Variants in MROH6 observed in about 807,000 individuals in gnomAD.
MROH6 encodes maestro heat like repeat family member 6.
MROH6 carries 62 observed loss-of-function variants against 67.7 expected under a neutral mutation model. The ratio of observed to expected loss-of-function variants is 0.92; its 90% CI spans 0.75 to 1.13. MROH6 has a LOEUF of 1.13. Ranked by LOEUF, MROH6 falls within the 50% of genes most tolerant of loss-of-function variation. The pLI, the probability that MROH6 is intolerant of heterozygous loss-of-function variation, is 0.00. For synonymous variants in MROH6, 566 were observed against 470.8 expected (o/e 1.20, Z -2.62); for missense variants, 1,175 against 1,029.1 (o/e 1.14, Z -1.94).
At chr8:143,567,964 G>T in intron 11 of MROH6, 76 bp from the exon 12 acceptor site, 1 of 1,456,140 alleles carries the variant, frequency 6.9e-7, no homozygotes, top group East Asian at 2.4e-5. Context: ...CTGAATCCAG[G>T]GGCCGGGGTT....
intron 3 of MROH6, among the ~76,000 whole-genome samples, chr8:143,571,261 G>A (rs1318970484): frequency 2.6e-5 from 4 of 152,186 alleles, no homozygotes; most frequent in African/African-American, 9.7e-5. Context: ...AACAAACCTG[G>A]CATTATTAAA....
Position 143,572,393 on chromosome 8 carries a change from G to C in MROH6, c.294+28C>G, listed in dbSNP as rs367742802. ...ATCCACAGGACCCCCAGGCCGGTTC[G>C]CACAACATCCCTTCCCTCCCCCGTC... On this transcript the variant is annotated intron_variant, in intron 1 of 13. Coordinates refer to ENST00000398882, the MANE Select transcript of MROH6 (RefSeq NM_001100878.2). The C allele has an allele frequency of 7.2e-6, 11 of 1,528,402 alleles. No homozygotes were observed. In the African/African-American group the frequency reaches 1.1e-4, roughly 15 times the overall value. 94.7% of individuals were successfully genotyped at this position (1,528,402 alleles called of 1,614,324 possible). A position where few individuals can be genotyped will look rare whatever the true frequency, so the allele number is the denominator to read the frequency against.
chr8:143,568,270 G>T lies in MROH6; in HGVS notation c.1645-9C>A. On this transcript the variant is annotated splice_polypyrimidine_tract_variant and intron_variant, in intron 10 of 13. Coordinates refer to ENST00000398882, the MANE Select transcript of MROH6 (RefSeq NM_001100878.2). Reference sequence around the variant, plus strand: ...AGGGTCCACTCTGAGCTCTGGGATAGGGGAAGTGAGCCGGGTCAGGGGTCC... The same window carrying T: ...AGGGTCCACTCTGAGCTCTGGGATATGGGAAGTGAGCCGGGTCAGGGGTCC... 6.2e-7 allele frequency: 1 copy of T among 1,603,334 alleles called. No individual in the cohort carries two copies. The highest frequency in any genetic ancestry group is 2.2e-5 in the East Asian group (1 of 44,468).
At position 143,569,956 on chromosome 8, in the gene MROH6, T is replaced by C. The variant is rs1563917999; in HGVS notation, c.1153A>G (p.Thr385Ala). 5 of 1,611,190 alleles carry C rather than the reference T, an allele frequency of 3.1e-6. No homozygotes were observed. The highest frequency in any genetic ancestry group is 4.2e-6 in the Non-Finnish European group (5 of 1,179,728). The change falls in exon 7 of 14, where the codon ACA (threonine) becomes GCA (alanine). Residue 385 changes from threonine (T) to alanine (A), a missense_variant. By Grantham distance (58) the Thr-to-Ala change is moderately conservative. Transcript: ENST00000398882. ...CATCCGGGAAGCAGGCTCACCCCTG[T>C]GAAGAAGGCCATAGCCGTGAGACGC... ...PQRLTAMAFF[T>A]GLLQSRPTAR...
Position 143,567,795 on chromosome 8 carries a change from C to A in MROH6, c.1858G>T (p.Val620Leu). 6.5e-7 allele frequency: 1 copy of A among 1,548,730 alleles called. No individual in the cohort carries two copies. The highest frequency in any genetic ancestry group is 8.7e-7 in the Non-Finnish European group (1 of 1,146,706). ...PQDPLRRAAA[V>L]LIGFLVHHAS... ...CCCCGGGCGGCCTCACCTATAAGCACGGCGGCTGCCCGGCGCAGGGGGTCC... is the reference window on the plus strand; with the variant it reads ...CCCCGGGCGGCCTCACCTATAAGCAAGGCGGCTGCCCGGCGCAGGGGGTCC... Residue 620 changes from valine to leucine, a missense_variant, in exon 12 of 14, where the codon GTG becomes TTG. Coordinates refer to ENST00000398882, the MANE Select transcript of MROH6 (RefSeq NM_001100878.2).
At chr8:143,568,779 G>C (rs1823796007) in intron 9 of MROH6, 60 bp from the exon 10 acceptor site, 1 of 1,275,930 alleles carries the variant, frequency 7.8e-7, no homozygotes, top group African/African-American at 1.5e-5. Flanking sequence ...AGGGTGGGAG[G>C]GGGCGGCCAG....
At position 143,567,772 on chromosome 8, in the gene MROH6, C is replaced by A. The variant is rs1415760666; in HGVS notation, c.1867+14G>T. The A allele has an allele frequency of 6.4e-7, 1 of 1,564,498 alleles. No individual in the cohort carries two copies. The highest frequency in any genetic ancestry group is 8.7e-7 in the Non-Finnish European group (1 of 1,153,812). The stretch of plus-strand genomic sequence containing the variant: ...CCCCGGTGCCAGGGGCAGTGTGACC[C>A]CGGGCGGCCTCACCTATAAGCACGG... On this transcript the variant is annotated intron_variant, in intron 12 of 13. Transcript: ENST00000398882.
intron 13 of MROH6, 62 bp downstream of exon 13, chr8:143,567,549 C>T (rs904131255): frequency 1.0e-5 from 15 of 1,495,440 alleles, no homozygotes; most frequent in African/African-American, 7.0e-5. Flanking sequence ...CGCTCCCGTC[C>T]ACTCCGCCCT....
Position 143,570,457 on chromosome 8 carries a change from TG to T in MROH6, c.905+15del, listed in dbSNP as rs1180402225. ...GCATGCTGGCCCGCCCCACGTAACC[TG>T]GTGTTGCCTCTCACCTGGCATGGCT... On this transcript the variant is annotated intron_variant, in intron 5 of 13. Coordinates refer to ENST00000398882, the MANE Select transcript of MROH6 (RefSeq NM_001100878.2). 1 of 1,529,592 alleles carries T rather than the reference TG, an allele frequency of 6.5e-7. No individual in the cohort carries two copies. Among genetic ancestry groups the T allele is most frequent in the Non-Finnish European group, 8.9e-7 (1 of 1,120,652 alleles). The allele number at this position is 1,529,592 out of a possible 1,614,324, so 94.8% of individuals were successfully genotyped here. A position where few individuals can be genotyped will look rare whatever the true frequency, so the allele number is the denominator to read the frequency against.
At position 143,570,385 on chromosome 8, in the gene MROH6, T is replaced by C; in HGVS notation, c.906-5A>G. On this transcript the variant is annotated splice_polypyrimidine_tract_variant and splice_region_variant and intron_variant, in intron 5 of 13. Coordinates refer to ENST00000398882, the MANE Select transcript of MROH6 (RefSeq NM_001100878.2). ...TTCAAGGCCTCCACAGCACAGCTGGTGGTGGGGACAGTGAGCAGGTGGGCA... is the reference window on the plus strand; with the variant it reads ...TTCAAGGCCTCCACAGCACAGCTGGCGGTGGGGACAGTGAGCAGGTGGGCA... 6.2e-7 allele frequency: 1 copy of C among 1,608,726 alleles called. No individual in the cohort carries two copies. The highest frequency in any genetic ancestry group is 8.5e-7 in the Non-Finnish European group (1 of 1,178,106).
In MROH6 at chr8:143,570,237, C is replaced by CCTCACCCTT; in HGVS notation, c.1043+5_1043+6insAAGGGTGAG. 8 of 1,577,858 alleles carry CCTCACCCTT rather than the reference C, an allele frequency of 5.1e-6. No homozygotes were observed. The highest frequency in any genetic ancestry group is 6.9e-6 in the Non-Finnish European group (8 of 1,164,138). Reference sequence around the variant, plus strand: ...ACACCCTGGGGCCCCTCCTCACCCTCCTCACCTGGCCAGCAGCAGGACGCC... The same window carrying CCTCACCCTT: ...ACACCCTGGGGCCCCTCCTCACCCTCCTCACCCTTCTCACCTGGCCAGCAGCAGGACGCC... On this transcript the variant is annotated splice_donor_region_variant and intron_variant, in intron 6 of 13. Transcript: ENST00000398882.
chr8:143,570,429 A>AGAGGG (rs200120075), intron 5 of MROH6, 44 bp downstream of exon 5: 274,169 of 1,594,152 alleles, frequency 0.17, 25,811 homozygotes, highest in South Asian at 0.32. Flanking sequence ...TGAGAGGGTG[A>AGAGGG]CAGCATGCTG....
rs1172095787 is a variant in MROH6 at position 143,572,687 on chromosome 8, G to A, written c.28C>T (p.Arg10Trp). The change falls in exon 1 of 14, where the codon CGG becomes TGG. Residue 10 changes from arginine (R) to tryptophan (W), a missense_variant. Coordinates refer to ENST00000398882, the MANE Select transcript of MROH6 (RefSeq NM_001100878.2). Reference sequence around the variant, plus strand: ...GCCCCCACGGGAGCCTCCCGGGCCCGGCTCCGGCCCCACACACCCCCAGCC... The same window carrying A: ...GCCCCCACGGGAGCCTCCCGGGCCCAGCTCCGGCCCCACACACCCCCAGCC... MAGGVWGRS[R>W]AREAPVGALT... The A allele has an allele frequency of 5.9e-6, 9 of 1,517,302 alleles. No homozygotes were observed. Among genetic ancestry groups the A allele is most frequent in the Admixed American group, 4.0e-5 (2 of 49,708 alleles). 94.0% of individuals were successfully genotyped at this position (1,517,302 alleles called of 1,614,324 possible).
chr8:143,570,471 A>G lies in MROH6; in HGVS notation c.905+2T>C. On this transcript the variant is annotated splice_donor_variant, in intron 5 of 13. Transcript: ENST00000398882. LOFTEE classifies it high-confidence loss of function. ...CCCACGTAACCTGGTGTTGCCTCTC[A>G]CCTGGCATGGCTATGTGGTGGCCCT... is the stretch of plus-strand genomic sequence containing the variant. The G allele has an allele frequency of 1.2e-6, 2 of 1,610,994 alleles. No homozygotes were observed. Among genetic ancestry groups the G allele is most frequent in the South Asian group, 2.2e-5 (2 of 90,920 alleles).
At chr8:143,568,422 G>A (rs1312501478) in intron 10 of MROH6, 130 bp downstream of exon 10, 44 of 1,427,736 alleles carry the variant, frequency 3.1e-5, no homozygotes, top group East Asian at 5.0e-5. Flanking sequence ...TAACCTGGCC[G>A]CCCGTCACAC....
chr8:143,570,827 C>T (rs1823983178), intron 4 of MROH6, 50 bp downstream of exon 4: 2 of 1,024,492 alleles, frequency 2.0e-6, no homozygotes, highest in Non-Finnish European at 2.8e-6. Flanking sequence ...CCGCTCCTCG[C>T]CACCCCCCAC....
intron 3 of MROH6, 45 bp downstream of exon 3, chr8:143,571,622 G>T (rs1378130409): frequency 1.9e-6 from 3 of 1,549,892 alleles, no homozygotes; most frequent in Non-Finnish European, 1.7e-6. Flanking sequence ...CGGGAAGAGG[G>T]AAGGAAGCCG....
At position 143,567,517 on chromosome 8, in the gene MROH6, G is replaced by A. The variant is rs527267049; in HGVS notation, c.1934-52C>T. The A allele has an allele frequency of 4.6e-5, 67 of 1,448,932 alleles. 1 individual carries two copies. In the Middle Eastern group the frequency reaches 7.5e-4, roughly 16 times the overall value. 89.8% of individuals were successfully genotyped at this position (1,448,932 alleles called of 1,614,324 possible). ...GGGAGCCCAGGAGGGCCGAGTGCCCGGGCCCCTGGCCCTCCACCCACCGCT... is the reference window on the plus strand; with the variant it reads ...GGGAGCCCAGGAGGGCCGAGTGCCCAGGCCCCTGGCCCTCCACCCACCGCT... On this transcript the variant is annotated intron_variant, in intron 13 of 13. Coordinates refer to ENST00000398882, the MANE Select transcript of MROH6 (RefSeq NM_001100878.2).
At chr8:143,571,107 C>G (rs1043128934) in intron 3 of MROH6, 113 bp from the exon 4 acceptor site, 3 of 753,154 alleles carry the variant, frequency 4.0e-6, no homozygotes, top group African/African-American at 3.5e-5. Flanking sequence ...AGGGGAGGGG[C>G]AGGAAACCCC....
Sources: gnomAD v4.1 joint callset for allele counts (sites outside exome capture counted in the v4.1 genomes callset) on GRCh38, gnomAD v4.1.1 for gene constraint, MANE v1.5 for transcripts, NCBI Gene and HGNC (gene_info 2026-07-23, HGNC 2026-07-21) for gene names.